TENM3: variants seen among roughly 807,000 people sequenced by gnomAD.
TENM3 encodes teneurin transmembrane protein 3.
A neutral mutation model predicts 255.1 loss-of-function variants in TENM3; 63 were observed. That is an observed-to-expected ratio of 0.25 (90% CI 0.20 to 0.30). The LOEUF (loss-of-function observed/expected upper bound fraction) is 0.30. Ranked by LOEUF, TENM3 falls within the 10% of genes least tolerant of loss-of-function variation. TENM3 has a pLI of 1.00. For synonymous variants in TENM3, 1,306 were observed against 1,322.3 expected (o/e 0.99, Z 0.27); for missense variants, 2,929 against 3,461.1 (o/e 0.85, Z 3.86).
chr4:182,587,540 C>T (rs1746154437), intron 3 of TENM3, among the ~76,000 whole-genome samples: 1 of 152,126 alleles, frequency 6.6e-6, no homozygotes, highest in African/African-American at 2.4e-5. Context: ...GATCGCACCA[C>T]TGCACTTCAG....
At chr4:182,265,685 A>G (rs568255428) in intron 1 of TENM3, among the ~76,000 whole-genome samples, 2 of 152,266 alleles carry the variant, frequency 1.3e-5, no homozygotes, top group East Asian at 3.9e-4. Flanking sequence ...AAAACATCTT[A>G]CAACTATTGT....
At chr4:181,563,354 C>T in the TENM3 span, among the ~76,000 whole-genome samples, 1 of 152,178 alleles carries the variant, frequency 6.6e-6, no homozygotes, top group Non-Finnish European at 1.5e-5. Flanking sequence ...ATGTGTGTTT[C>T]TCTGTGCCCA....
the TENM3 span, among the ~76,000 whole-genome samples, chr4:181,834,672 G>A: frequency 2.0e-5 from 3 of 152,180 alleles, no homozygotes; most frequent in African/African-American, 4.8e-5. Context: ...TCATGCGTTC[G>A]TACACCAACC....
At chr4:181,448,169 T>A in the TENM3 span, among the ~76,000 whole-genome samples, 17,482 of 132,292 alleles carry the variant, frequency 0.13, 1,423 homozygotes, top group East Asian at 0.28. Context: ...TTTTTTTTTT[T>A]TTTTTTTTTT....
At chr4:182,006,389 G>A in the TENM3 span, among the ~76,000 whole-genome samples, 27 of 152,048 alleles carry the variant, frequency 1.8e-4, no homozygotes, top group East Asian at 3.7e-3. Flanking sequence ...GATTAATTAC[G>A]GCCTCAGTTT....
chr4:182,215,335 A>G (rs1038193606), intron 1 of TENM3, among the ~76,000 whole-genome samples: 2 of 152,186 alleles, frequency 1.3e-5, no homozygotes, highest in African/African-American at 4.8e-5. Flanking sequence ...TTAGAGCTGA[A>G]TTGTGGCGAG....
intron 1 of TENM3, among the ~76,000 whole-genome samples, chr4:182,287,592 T>C (rs1760816717): frequency 6.7e-6 from 1 of 149,888 alleles, no homozygotes; most frequent in African/African-American, 2.5e-5. Context: ...CACTTTTCTT[T>C]CTTTACTTTT....
At chr4:182,057,279 G>T in the TENM3 span, among the ~76,000 whole-genome samples, 4 of 148,636 alleles carry the variant, frequency 2.7e-5, no homozygotes, top group Non-Finnish European at 5.9e-5. Context: ...TAAAGTCAGA[G>T]AAATTTCTCA....
At chr4:182,783,846 A>G (rs561962844) in intron 24 of TENM3, among the ~76,000 whole-genome samples, 1 of 151,996 alleles carries the variant, frequency 6.6e-6, no homozygotes, top group Non-Finnish European at 1.5e-5. Flanking sequence ...AGTTGATCGC[A>G]TCGGCTCCTG....
chr4:182,340,097 G>A (rs1949351), intron 2 of TENM3, among the ~76,000 whole-genome samples: 50,127 of 151,788 alleles, frequency 0.33, 9,978 homozygotes, highest in East Asian at 0.49. Context: ...GCATATGTTC[G>A]TCCTCCCCTG....
chr4:181,998,869 T>C, the TENM3 span, among the ~76,000 whole-genome samples: 7 of 152,162 alleles, frequency 4.6e-5, no homozygotes, highest in Non-Finnish European at 7.3e-5. Flanking sequence ...CTGGTCAAAT[T>C]CCCAGCTCCA....
chr4:181,729,886 C>A, the TENM3 span, among the ~76,000 whole-genome samples: 3 of 152,142 alleles, frequency 2.0e-5, no homozygotes, highest in Non-Finnish European at 4.4e-5. Context: ...CCTGGCCACA[C>A]GATGTCTGAG....
intron 3 of TENM3, among the ~76,000 whole-genome samples, chr4:182,550,090 T>TA (rs1256303756): frequency 6.6e-6 from 1 of 152,232 alleles, no homozygotes; most frequent in Non-Finnish European, 1.5e-5. Flanking sequence ...TTTATGGAGT[T>TA]ACATTTTAAA....
At chr4:181,486,500 A>G in the TENM3 span, among the ~76,000 whole-genome samples, 1 of 152,246 alleles carries the variant, frequency 6.6e-6, no homozygotes, top group Non-Finnish European at 1.5e-5. Context: ...TTAGATATAT[A>G]AAAAAGGAGG....
the TENM3 span, among the ~76,000 whole-genome samples, chr4:181,782,105 G>C: frequency 1.3e-5 from 2 of 152,088 alleles, no homozygotes; most frequent in South Asian, 2.1e-4. Context: ...TCTCTGCCAG[G>C]CTTTGGTATC....
At chr4:182,025,720 G>C in the TENM3 span, among the ~76,000 whole-genome samples, 12 of 152,022 alleles carry the variant, frequency 7.9e-5, no homozygotes, top group Non-Finnish European at 1.3e-4. Flanking sequence ...GCCATTTTTT[G>C]CTGGGGTAAA....
chr4:182,104,700 G>A, the TENM3 span, among the ~76,000 whole-genome samples: 321 of 151,954 alleles, frequency 2.1e-3, no homozygotes, highest in African/African-American at 7.3e-3. Context: ...TTTTAGTAGA[G>A]ACGGGGTTTC....
chr4:182,782,380 A>C (rs1579486765), intron 24 of TENM3, among the ~76,000 whole-genome samples: 1 of 127,758 alleles, frequency 7.8e-6, no homozygotes, highest in East Asian at 2.2e-4. Context: ...TGAGATTCTT[A>C]ATCCTGAGTT....
chr4:182,327,451 A>C (rs1427627916), intron 2 of TENM3, among the ~76,000 whole-genome samples: 1 of 152,214 alleles, frequency 6.6e-6, no homozygotes, highest in Non-Finnish European at 1.5e-5. Flanking sequence ...GGAGAATTCA[A>C]ATCGAGAAAT....
Sources: gnomAD v4.1 joint callset for allele counts (sites outside exome capture counted in the v4.1 genomes callset) on GRCh38, gnomAD v4.1.1 for gene constraint, MANE v1.5 for transcripts, NCBI Gene and HGNC (gene_info 2026-07-23, HGNC 2026-07-21) for gene names.